DCC: variants seen among roughly 807,000 people sequenced by gnomAD.
DCC encodes the protein netrin receptor DCC.
DCC carries 58 observed loss-of-function variants against 172.5 expected under a neutral mutation model. The observed-to-expected ratio is 0.34, with a 90% CI of 0.27 to 0.42. DCC has a LOEUF of 0.42. DCC is among the 10% of genes least tolerant of loss of function. The pLI, the probability that DCC is intolerant of heterozygous loss-of-function variation, is 1.00. For missense variants in DCC, 1,740 were observed against 1,791.0 expected (o/e 0.97, Z 0.51); for synonymous variants, 709 against 644.5 (o/e 1.10, Z -1.52).
chr18:53,235,372 T>C (rs997927223), intron 12 of DCC, among the ~76,000 whole-genome samples: 1 of 152,184 alleles, frequency 6.6e-6, no homozygotes, highest in African/African-American at 2.4e-5. Flanking sequence ...TAGAATGACA[T>C]GTGATGCTTG....
intron 5 of DCC, among the ~76,000 whole-genome samples, chr18:53,059,689 A>C (rs1204510467): frequency 6.6e-6 from 1 of 152,036 alleles, no homozygotes; most frequent in African/African-American, 2.4e-5. Context: ...ATTTTTTCTT[A>C]TCATTAATTG....
chr18:52,861,330 C>T (rs2039139417), intron 2 of DCC, among the ~76,000 whole-genome samples: 1 of 152,144 alleles, frequency 6.6e-6, no homozygotes, highest in South Asian at 2.1e-4. Context: ...TTCAATTCCT[C>T]AAAGCAGTCT....
chr18:52,997,769 G>A (rs28569227), intron 5 of DCC, among the ~76,000 whole-genome samples: 8,090 of 152,166 alleles, frequency 0.053, 390 homozygotes, highest in East Asian at 0.21. Flanking sequence ...GCTAGATTTT[G>A]TGTCCAAACG....
intron 2 of DCC, among the ~76,000 whole-genome samples, chr18:52,871,941 A>T (rs556498397): frequency 1.3e-5 from 2 of 152,124 alleles, no homozygotes; most frequent in African/African-American, 4.8e-5. Context: ...GTCTACTGGT[A>T]TGTCAAGTCC....
chr18:52,672,574 C>T (rs2035573393), intron 1 of DCC, among the ~76,000 whole-genome samples: 1 of 151,508 alleles, frequency 6.6e-6, no homozygotes, highest in Non-Finnish European at 1.5e-5. Flanking sequence ...TCCAAATATC[C>T]CTCCCTCCCT....
intron 2 of DCC, among the ~76,000 whole-genome samples, chr18:52,859,032 T>C (rs1415814641): frequency 1.3e-5 from 2 of 152,144 alleles, no homozygotes; most frequent in Non-Finnish European, 2.9e-5. Flanking sequence ...AAATGGCCCA[T>C]TGGCTCATGC....
At chr18:53,211,010 A>G (rs1383877639) in intron 11 of DCC, among the ~76,000 whole-genome samples, 8 of 152,078 alleles carry the variant, frequency 5.3e-5, no homozygotes, top group Admixed American at 3.3e-4. Flanking sequence ...AATTTTGCCA[A>G]TTTGTTCCAA....
rs570021985 is a variant in DCC at position 53,097,372 on chromosome 18, G to T, written c.1261+31206G>T. ...ACTACATCCTGTTGCCACCTATATG[G>T]TTTTTCTCTACTAATCTTAAAATAT... On this transcript the variant is annotated intron_variant, in intron 7 of 28. Coordinates refer to ENST00000442544, the MANE Select transcript of DCC (RefSeq NM_005215.4). 5.9e-5 allele frequency among the ~76,000 whole-genome samples: 9 copies of T among 152,088 alleles called. No individual in the cohort carries two copies. The East Asian group carries it at 9.7e-4, about 16-fold the overall frequency.
At chr18:52,664,472 TTTTC>T (rs1196788791) in intron 1 of DCC, among the ~76,000 whole-genome samples, 208 of 120,720 alleles carry the variant, frequency 1.7e-3, no homozygotes, top group Middle Eastern at 7.8e-3. Flanking sequence ...TTCTTTTTCT[TTTTC>T]TTTTTTTTTT....
chr18:52,859,030 C>T (rs1012123678), intron 2 of DCC, among the ~76,000 whole-genome samples: 1 of 152,070 alleles, frequency 6.6e-6, no homozygotes, highest in African/African-American at 2.4e-5. Context: ...AAAAATGGCC[C>T]ATTGGCTCAT....
At chr18:52,984,503 T>A (rs1461905387) in intron 5 of DCC, among the ~76,000 whole-genome samples, 1 of 152,122 alleles carries the variant, frequency 6.6e-6, no homozygotes, top group Non-Finnish European at 1.5e-5. Flanking sequence ...TGTATCATGA[T>A]AATGGCTTTT....
intron 1 of DCC, among the ~76,000 whole-genome samples, chr18:52,735,632 A>G (rs1279304344): frequency 6.8e-6 from 1 of 147,220 alleles, no homozygotes; most frequent in Non-Finnish European, 1.5e-5. Flanking sequence ...CCAAAAGTCC[A>G]AAAGCTGATG....
At chr18:53,371,959 A>G (rs894618826) in intron 15 of DCC, among the ~76,000 whole-genome samples, 3 of 152,132 alleles carry the variant, frequency 2.0e-5, no homozygotes, top group African/African-American at 7.2e-5. Flanking sequence ...AAGTCAAAAA[A>G]TAGCAGATGC....
intron 2 of DCC, among the ~76,000 whole-genome samples, chr18:52,865,301 C>G (rs906167866): frequency 1.8e-4 from 27 of 152,074 alleles, no homozygotes; most frequent in African/African-American, 6.5e-4. Context: ...AATAAACATA[C>G]CTGTGCATGT....
intron 1 of DCC, among the ~76,000 whole-genome samples, chr18:52,358,239 T>C (rs909701831): frequency 6.6e-6 from 1 of 152,186 alleles, no homozygotes; most frequent in Non-Finnish European, 1.5e-5. Context: ...TAGGTGATTC[T>C]TATACACACT....
chr18:52,883,145 T>C (rs116695937), intron 2 of DCC, among the ~76,000 whole-genome samples: 2,297 of 152,138 alleles, frequency 0.015, 43 homozygotes, highest in African/African-American at 0.038. Context: ...TGTGCATCTT[T>C]ACAGGTGAGA....
intron 1 of DCC, among the ~76,000 whole-genome samples, chr18:52,527,905 T>G (rs766766079): frequency 2.6e-5 from 4 of 152,222 alleles, no homozygotes; most frequent in Non-Finnish European, 5.9e-5. Context: ...AGACTTGGCC[T>G]TATTTCCACA....
chr18:53,279,744 C>T (rs1003448637), intron 12 of DCC, among the ~76,000 whole-genome samples: 3 of 151,344 alleles, frequency 2.0e-5, no homozygotes, highest in Non-Finnish European at 2.9e-5. Flanking sequence ...CCATGGAATA[C>T]TACACAATCA....
chr18:52,617,089 G>A (rs749966293), intron 1 of DCC, among the ~76,000 whole-genome samples: 1 of 152,122 alleles, frequency 6.6e-6, no homozygotes, highest in Non-Finnish European at 1.5e-5. Flanking sequence ...ATTATCCGAC[G>A]AAGGTGTACT....
Sources: allele counts gnomAD v4.1 joint callset (sites outside exome capture counted in the v4.1 genomes callset), GRCh38; gene constraint gnomAD v4.1.1; transcripts MANE v1.5; gene names NCBI Gene and HGNC (gene_info 2026-07-23, HGNC 2026-07-21).